FAM199X: variants seen among roughly 807,000 people sequenced by gnomAD.
FAM199X encodes family with sequence similarity 199, X-linked.
In FAM199X, 4 loss-of-function variants were observed where a neutral mutation model predicts 22.9. The observed-to-expected ratio is 0.17, with a 90% CI of 0.09 to 0.40. The LOEUF (loss-of-function observed/expected upper bound fraction) is 0.40, where lower values mean the gene tolerates loss of function less well. Among genes scored for constraint, FAM199X ranks in the 10% least tolerant of loss-of-function variants. FAM199X has a pLI of 1.00. For synonymous variants in FAM199X, 101 were observed against 112.3 expected, an observed-to-expected ratio of 0.90 and a Z score of 0.64; for missense variants, 183 against 306.8, an observed-to-expected ratio of 0.60 and a Z score of 3.01.
At position 104,190,542 on chromosome X, in the gene FAM199X, A is replaced by G. The variant is rs782033881; in HGVS notation, c.*764A>G. On this transcript the variant is annotated 3_prime_UTR_variant, in exon 6 of 6. Coordinates refer to ENST00000493442, the MANE Select transcript of FAM199X (RefSeq NM_207318.4). ...AATGTTACTAGTAGCTGAATTTTAG[A>G]CTTGATGCTATGTTGATTAATATTT... 1.2e-4 allele frequency: 13 copies of G among 112,001 alleles called. No homozygotes were observed. Among genetic ancestry groups the G allele is most frequent in the Non-Finnish European group, 2.3e-4 (12 of 53,190 alleles). 9.2% of individuals were successfully genotyped at this position (112,001 alleles called of 1,213,427 possible). A position where few individuals can be genotyped will look rare whatever the true frequency, so the allele number is the denominator to read the frequency against.
At position 104,173,061 on chromosome X, in the gene FAM199X, T is replaced by A. The variant is rs143293369; in HGVS notation, c.198-2562T>A. On this transcript the variant is annotated intron_variant, in intron 1 of 5. Transcript: ENST00000493442. ...TCAGCTTGCTATAACCACAGACTCC[T>A]GGGCTCCAGGGATCCTCCTGCTTCA... 7.8e-4 allele frequency among the ~76,000 whole-genome samples: 87 copies of A among 111,547 alleles called. 4 individuals carry two copies. In the East Asian group the frequency reaches 0.019, roughly 24 times the overall value.
intron 1 of FAM199X, among the ~76,000 whole-genome samples, chrX:104,173,093 C>T (rs1299653196): frequency 4.5e-5 from 5 of 111,120 alleles, no homozygotes; most frequent in Non-Finnish European, 9.4e-5. Context: ...TTCAGCCTCC[C>T]GAGAGTAGCT....
At chrX:104,160,292 T>C in the FAM199X span, among the ~76,000 whole-genome samples, 1 of 112,811 alleles carries the variant, frequency 8.9e-6, no homozygotes, top group South Asian at 3.6e-4. Flanking sequence ...TCCTGAAATC[T>C]ACTGTCTTGG....
At position 104,189,706 on chromosome X, in the gene FAM199X, C is replaced by T. The variant is rs1330316689; in HGVS notation, c.1095C>T (p.Phe365=). The T allele has an allele frequency of 8.3e-7, 1 of 1,209,903 alleles. No individual in the cohort carries two copies. Among genetic ancestry groups the T allele is most frequent in the Non-Finnish European group, 1.1e-6 (1 of 895,216 alleles). ...GGAAGGAGAGGCTCAGTGGGCTCTT[C>T]CTTAACGAAGAGGTGCTGTCCTTGA... ...QARKERLSGL[F]LNEEVLSLKV... is the part of the protein sequence containing the mutation. The change falls in exon 6 of 6, where the codon TTC becomes TTT. Residue 365 remains phenylalanine, a synonymous_variant. Transcript: ENST00000493442.
intron 2 of FAM199X, among the ~76,000 whole-genome samples, chrX:104,180,321 CTT>C (rs1188162903): frequency 2.1e-5 from 2 of 94,192 alleles, no homozygotes; most frequent in African/African-American, 3.9e-5. Flanking sequence ...TCAGTACAGA[CTT>C]TGTATTTAAA....
At chrX:104,166,247 C>T (rs187893224), upstream of FAM199X, among the ~76,000 whole-genome samples, 1 of 112,953 alleles carries the variant, frequency 8.9e-6, no homozygotes, top group East Asian at 2.8e-4. Flanking sequence ...TAGTCGAGTA[C>T]GAGTGAGAAA....
At position 104,189,625 on chromosome X, in the gene FAM199X, G is replaced by A. The variant is rs782071312; in HGVS notation, c.1014G>A (p.Arg338=). The A allele has an allele frequency of 4.1e-6, 5 of 1,211,917 alleles. No individual in the cohort carries two copies. The Admixed American group carries it at 1.1e-4, about 26-fold the overall frequency. The part of the protein sequence containing the change: ...IRDSKKRSKQ[R]KLQQKAFRKR... ...TTTGACAGAAGCGATCCAAGCAGCG[G>A]AAGTTACAGCAGAAGGCCTTCCGCA... The change falls in exon 6 of 6, where the codon CGG becomes CGA. Residue 338 remains arginine (R), a synonymous_variant. Transcript: ENST00000493442.
At position 104,193,295 on chromosome X, in the gene FAM199X, A is replaced by C. The variant is rs1423824064; in HGVS notation, c.*3517A>C. The C allele has an allele frequency of 8.9e-6, 1 of 112,030 alleles. No homozygotes were observed. Among genetic ancestry groups the C allele is most frequent in the Non-Finnish European group, 1.9e-5 (1 of 53,000 alleles). The allele number at this position is 112,030 out of a possible 1,213,427, so 9.2% of individuals were successfully genotyped here. A position where few individuals can be genotyped will look rare whatever the true frequency, so the allele number is the denominator to read the frequency against. On this transcript the variant is annotated 3_prime_UTR_variant, in exon 6 of 6. Coordinates refer to ENST00000493442, the MANE Select transcript of FAM199X (RefSeq NM_207318.4). ...ACTTTATTTTCGGCCTAGCTAGATCATTGAAGAGCCTTGAAAGTTATCTAA... is the reference window on the plus strand; with the variant it reads ...ACTTTATTTTCGGCCTAGCTAGATCCTTGAAGAGCCTTGAAAGTTATCTAA...
chrX:104,170,165 A>G (rs1921315778), intron 1 of FAM199X, among the ~76,000 whole-genome samples: 1 of 112,350 alleles, frequency 8.9e-6, no homozygotes, highest in Admixed American at 9.4e-5. Context: ...GCACTTCCAA[A>G]CTATTGCATA....
chrX:104,166,573 G>A lies in FAM199X; in HGVS notation c.-213G>A. 1 of 310,409 alleles carries A rather than the reference G, an allele frequency of 3.2e-6. No individual in the cohort carries two copies. Among genetic ancestry groups the A allele is most frequent in the Non-Finnish European group, 5.6e-6 (1 of 177,946 alleles). The allele number at this position is 310,409 out of a possible 1,213,427, so 25.6% of individuals were successfully genotyped here. Reference sequence around the variant, plus strand: ...CAGAGGCCACCGGGGCGCTAACTGGGTGGCCGGTGGGCCGCTGTGGCCTCG... The same window carrying A: ...CAGAGGCCACCGGGGCGCTAACTGGATGGCCGGTGGGCCGCTGTGGCCTCG... On this transcript the variant is annotated 5_prime_UTR_variant, in exon 1 of 6. The change creates a new upstream start codon in the 5' untranslated region. Coordinates refer to ENST00000493442, the MANE Select transcript of FAM199X (RefSeq NM_207318.4).
intron 2 of FAM199X, among the ~76,000 whole-genome samples, chrX:104,177,072 G>A (rs1921509236): frequency 9.0e-6 from 1 of 111,112 alleles, no homozygotes; most frequent in Non-Finnish European, 1.9e-5. Context: ...GCTAATTCCA[G>A]GGCATTTCTG....
chrX:104,167,471 C>T (rs1240348310), intron 1 of FAM199X, among the ~76,000 whole-genome samples: 1 of 110,073 alleles, frequency 9.1e-6, no homozygotes, highest in African/African-American at 3.3e-5. Flanking sequence ...TATTTTTAAT[C>T]TGTCTCACAG....
chrX:104,165,574 A>G (rs1315518654), upstream of FAM199X, among the ~76,000 whole-genome samples: 1 of 112,088 alleles, frequency 8.9e-6, no homozygotes, highest in Non-Finnish European at 1.9e-5. Context: ...AAATAATATT[A>G]GGTAGTTTTA....
chrX:104,162,292 A>T, upstream of FAM199X, among the ~76,000 whole-genome samples: 1 of 111,793 alleles, frequency 8.9e-6, no homozygotes, highest in East Asian at 2.8e-4. Context: ...TAGTCAGCAC[A>T]TGGCTGTTTG....
At chrX:104,159,762 T>C in the FAM199X span, among the ~76,000 whole-genome samples, 19 of 111,748 alleles carry the variant, frequency 1.7e-4, no homozygotes, top group Non-Finnish European at 3.2e-4. Flanking sequence ...CTCTGCAGAA[T>C]TGCACTCTGC....
chrX:104,187,674 A>G (rs1311178204), intron 4 of FAM199X, among the ~76,000 whole-genome samples: 10 of 112,084 alleles, frequency 8.9e-5, no homozygotes, highest in African/African-American at 2.9e-4. Context: ...TCAGCAGCTT[A>G]CTTAAATTGT....
chrX:104,178,612 A>G (rs981859693), intron 2 of FAM199X, among the ~76,000 whole-genome samples: 4 of 111,631 alleles, frequency 3.6e-5, no homozygotes, highest in African/African-American at 9.8e-5. Context: ...GTAGGTATCC[A>G]GTTGTCCCAG....
intron 5 of FAM199X, among the ~76,000 whole-genome samples, chrX:104,189,358 C>G (rs1344094124): frequency 1.8e-5 from 2 of 111,547 alleles, no homozygotes; most frequent in Non-Finnish European, 3.8e-5. Context: ...GACTTTTTAT[C>G]TATCACTAGC....
chrX:104,184,803 C>G (rs993853895), intron 2 of FAM199X, among the ~76,000 whole-genome samples: 38 of 109,993 alleles, frequency 3.5e-4, no homozygotes, highest in Non-Finnish European at 5.7e-4. Context: ...TTTTTTGAGA[C>G]TGAGTCTTAC....
Sources: gnomAD v4.1 joint callset for allele counts (sites outside exome capture counted in the v4.1 genomes callset) on GRCh38, gnomAD v4.1.1 for gene constraint, MANE v1.5 for transcripts, NCBI Gene and HGNC (gene_info 2026-07-23, HGNC 2026-07-21) for gene names.